Variants in MYLK observed in about 807,000 individuals in gnomAD.
The protein encoded by MYLK is myosin light chain kinase, smooth muscle.
In MYLK, 106 loss-of-function variants were observed where a neutral mutation model predicts 203.4. That is an observed-to-expected ratio of 0.52 (90% CI 0.45 to 0.61). The LOEUF (loss-of-function observed/expected upper bound fraction) is 0.61, where lower values mean the gene tolerates loss of function less well. Ranked by LOEUF, MYLK falls within the 20% of genes least tolerant of loss-of-function variation. The pLI, the probability that MYLK is intolerant of heterozygous loss-of-function variation, is 0.00. For synonymous variants in MYLK, 867 were observed against 959.5 expected, an observed-to-expected ratio of 0.90 and a Z score of 1.78; for missense variants, 2,072 against 2,442.3, an observed-to-expected ratio of 0.85 and a Z score of 3.20.
chr3:123,719,288 G>C (rs537712619), intron 13 of MYLK, among the ~76,000 whole-genome samples: 2 of 152,052 alleles, frequency 1.3e-5, no homozygotes, highest in African/African-American at 2.4e-5. Flanking sequence ...ACGCGTTGCT[G>C]CATGGTGCCA....
chr3:123,733,638 C>T (rs373857788), intron 10 of MYLK, 49 bp downstream of exon 10: 14 of 1,608,348 alleles, frequency 8.7e-6, no homozygotes, highest in African/African-American at 2.7e-5. Context: ...GGAGTGGCCA[C>T]CAAGGGGCTA....
At chr3:123,867,941 G>A (rs2032452333) in intron 2 of MYLK, among the ~76,000 whole-genome samples, 1 of 152,208 alleles carries the variant, frequency 6.6e-6, no homozygotes, top group Admixed American at 6.5e-5. Context: ...TACAGAAAGT[G>A]AGTTGAGAGG....
At chr3:123,836,095 TG>T (rs2066469471) in intron 2 of MYLK, among the ~76,000 whole-genome samples, 2 of 152,236 alleles carry the variant, frequency 1.3e-5, no homozygotes. Flanking sequence ...TTTGTATCTT[TG>T]GGTCTTCATT....
rs2058909459 is a variant in MYLK at position 123,643,593 on chromosome 3, G to C, written c.4620-3089C>G. On this transcript the variant is annotated intron_variant, in intron 27 of 33. Transcript: ENST00000360304. Reference sequence around the variant, plus strand: ...TATCTTCAAAATACTTAATGCTATGGGTGGAAAATATTGGTTTGATAGACA... The same window carrying C: ...TATCTTCAAAATACTTAATGCTATGCGTGGAAAATATTGGTTTGATAGACA... Among the ~76,000 whole-genome samples the C allele has an allele frequency of 7.2e-5, 11 of 152,308 alleles. No individual in the cohort carries two copies. The South Asian group carries it at 2.3e-3, about 32-fold the overall frequency.
At chr3:123,690,652 A>G (rs1382547477) in intron 19 of MYLK, among the ~76,000 whole-genome samples, 1 of 152,232 alleles carries the variant, frequency 6.6e-6, no homozygotes, top group Admixed American at 6.5e-5. Flanking sequence ...CAGGATGCTA[A>G]TATATCTGTA....
chr3:123,695,177 C>T (rs1237202787), intron 18 of MYLK, among the ~76,000 whole-genome samples: 1 of 152,224 alleles, frequency 6.6e-6, no homozygotes, highest in South Asian at 2.1e-4. Context: ...CTACCCAGCC[C>T]ACCTGGCAAG....
intron 2 of MYLK, among the ~76,000 whole-genome samples, chr3:123,846,640 A>G (rs1317722941): frequency 6.6e-6 from 1 of 152,188 alleles, no homozygotes; most frequent in Non-Finnish European, 1.5e-5. Flanking sequence ...CCGTCCTTCC[A>G]GCAGCGTAGG....
At chr3:123,724,137 T>C (rs2062192540) in intron 12 of MYLK, among the ~76,000 whole-genome samples, 1 of 136,326 alleles carries the variant, frequency 7.3e-6, no homozygotes, top group African/African-American at 2.6e-5. Context: ...GGCTAAGTTT[T>C]GCTTTTTTTT....
At chr3:123,742,626 T>C (rs1399595208) in intron 5 of MYLK, among the ~76,000 whole-genome samples, 1 of 152,184 alleles carries the variant, frequency 6.6e-6, no homozygotes, top group Non-Finnish European at 1.5e-5. Context: ...ATCCAGTCTC[T>C]AACATTTCAT....
Position 123,733,947 on chromosome 3 carries a change from G to T in MYLK, c.1049C>A (p.Ala350Glu), listed in dbSNP as rs1161362052. The T allele has an allele frequency of 1.9e-6, 3 of 1,614,180 alleles. No individual in the cohort carries two copies. In the South Asian group the frequency reaches 3.3e-5, roughly 18 times the overall value. Residue 350 changes from alanine (A) to glutamate (E), a missense_variant, in exon 10 of 34, where the codon GCA (alanine) becomes GAA (glutamate). This residue lies in a region of MYLK where 683 missense variants were observed against 643.8 expected (regional missense o/e 1.06). Coordinates refer to ENST00000360304, the MANE Select transcript of MYLK (RefSeq NM_053025.4). ...TGCTCTTGGTTCCGGCTGAACTCTT[G>T]CGGCCTGCAGGGTGATGGAGCTGGA... ...KTSSSITLQA[A>E]RVQPEPRAPG... is the part of the protein sequence containing the mutation.
chr3:123,622,612 G>A (rs1237765204), intron 31 of MYLK: 1 of 152,228 alleles, frequency 6.6e-6, no homozygotes, highest in Admixed American at 6.5e-5. Context: ...TAGTATTTCA[G>A]AGGAAGTAGT....
At chr3:123,747,045 G>A (rs1253850812) in intron 5 of MYLK, among the ~76,000 whole-genome samples, 11 of 152,092 alleles carry the variant, frequency 7.2e-5, no homozygotes, top group African/African-American at 2.7e-4. Context: ...AAATAGACAC[G>A]GCCTAAAAAT....
intron 13 of MYLK, among the ~76,000 whole-genome samples, chr3:123,713,760 A>C (rs1453742123): frequency 2.0e-5 from 3 of 152,130 alleles, no homozygotes; most frequent in Non-Finnish European, 2.9e-5. Flanking sequence ...TGGCATTCTT[A>C]ACTCGTGGCC....
At chr3:123,856,271 C>T (rs2031363439) in intron 2 of MYLK, among the ~76,000 whole-genome samples, 1 of 152,142 alleles carries the variant, frequency 6.6e-6, no homozygotes, top group African/African-American at 2.4e-5. Flanking sequence ...CCAATTGGAA[C>T]ATTTTCCTCT....
chr3:123,742,536 G>T (rs1199982859), intron 5 of MYLK, among the ~76,000 whole-genome samples: 1 of 152,018 alleles, frequency 6.6e-6, no homozygotes, highest in African/African-American at 2.4e-5. Flanking sequence ...AAAAAAAGGG[G>T]CAGGGAGGAA....
chr3:123,615,365 A>T (rs866414181), intron 33 of MYLK, among the ~76,000 whole-genome samples: 1 of 151,282 alleles, frequency 6.6e-6, no homozygotes. Context: ...ACAGAGTCTC[A>T]CTCTGTCGCC....
At position 123,664,160 on chromosome 3, in the gene MYLK, C is replaced by A; in HGVS notation, c.3930G>T (p.Leu1310=). The change falls in exon 23 of 34, where the codon CTG becomes CTT. Residue 1310 remains leucine, a synonymous_variant. Coordinates refer to ENST00000360304, the MANE Select transcript of MYLK (RefSeq NM_053025.4). ...ARQEHCGCYT[L]LVENKLGSRQ... is the part of the protein sequence containing the mutation. ...TGCTGCCCAGCTTGTTCTCCACCAG[C>A]AGTGTGTAGCAGCCGCAGTGCTCCT... is the stretch of plus-strand genomic sequence containing the variant. The A allele has an allele frequency of 6.2e-7, 1 of 1,614,134 alleles. No individual in the cohort carries two copies. The highest frequency in any genetic ancestry group is 1.1e-5 in the South Asian group (1 of 91,084).
At position 123,700,907 on chromosome 3, in the gene MYLK, G is replaced by C. The variant is rs1365570921; in HGVS notation, c.2561C>G (p.Pro854Arg). 2 of 1,612,340 alleles carry C rather than the reference G, an allele frequency of 1.2e-6. No individual in the cohort carries two copies. Among genetic ancestry groups the C allele is most frequent in the Admixed American group, 3.3e-5 (2 of 60,020 alleles). The change falls in exon 18 of 34, where the codon CCA becomes CGA. Residue 854 changes from proline (P) to arginine (R), a missense_variant. Pro to Arg is a moderately radical substitution (Grantham distance 103, BLOSUM62 -2). This residue lies in a region of MYLK where 865 missense variants were observed against 1,016.0 expected (regional missense o/e 0.85). Transcript: ENST00000360304. ...DRYGSLRPGW[P>R]ARGQGWLEEE... ...CTCTAGCCAACCCTGCCCTCTTGCTGGCCAGCCAGGCCTCAGGGACCCATA... is the reference window on the plus strand; with the variant it reads ...CTCTAGCCAACCCTGCCCTCTTGCTCGCCAGCCAGGCCTCAGGGACCCATA...
intron 29 of MYLK, among the ~76,000 whole-genome samples, chr3:123,633,684 T>A (rs922997083): frequency 1.3e-5 from 2 of 152,224 alleles, no homozygotes; most frequent in Non-Finnish European, 2.9e-5. Context: ...ACAATGGTCA[T>A]GAATGCAGGG....
Sources: allele counts gnomAD v4.1 joint callset (sites outside exome capture counted in the v4.1 genomes callset), GRCh38; gene constraint gnomAD v4.1.1; regional missense constraint gnomAD v4.1.1; transcripts MANE v1.5; gene names NCBI Gene and HGNC (gene_info 2026-07-23, HGNC 2026-07-21).